TBC1D31: variants seen among roughly 807,000 people sequenced by gnomAD.
TBC1D31 encodes TBC1 domain family member 31, also known as WD repeat domain 67.
Under a neutral mutation model 132.9 loss-of-function variants are expected in TBC1D31, and 99 were observed. The ratio of observed to expected loss-of-function variants is 0.74; its 90% CI spans 0.63 to 0.88. The LOEUF (loss-of-function observed/expected upper bound fraction) is 0.88, where lower values mean the gene tolerates loss of function less well. Among genes scored for constraint, TBC1D31 ranks in the 40% least tolerant of loss-of-function variants. The probability of loss-of-function intolerance (pLI) is 0.00; values close to 1 mark genes in which losing one functional copy is unlikely to be tolerated. For missense variants in TBC1D31, 1,134 were observed against 1,256.6 expected (o/e 0.90, Z 1.48); for synonymous variants, 385 against 419.4 (o/e 0.92, Z 1.00).
intron 17 of TBC1D31, among the ~76,000 whole-genome samples, chr8:123,139,562 A>G (rs1435604122): frequency 1.3e-5 from 2 of 152,138 alleles, no homozygotes; most frequent in East Asian, 3.9e-4. Context: ...GCACGCCTTT[A>G]TCACTCAGCT....
chr8:123,162,564 T>C, the TBC1D31 span, among the ~76,000 whole-genome samples: 1 of 152,000 alleles, frequency 6.6e-6, no homozygotes, highest in Non-Finnish European at 1.5e-5. Context: ...GGTCTGGCTG[T>C]CAAGAGAAGC....
At chr8:123,079,452 G>A (rs1814906790) in intron 2 of TBC1D31, among the ~76,000 whole-genome samples, 1 of 151,984 alleles carries the variant, frequency 6.6e-6, no homozygotes, top group African/African-American at 2.4e-5. Context: ...CATTGTTTCT[G>A]CCCTTTACCA....
intron 4 of TBC1D31, among the ~76,000 whole-genome samples, chr8:123,086,705 C>T (rs1285555259): frequency 6.6e-6 from 1 of 151,684 alleles, no homozygotes; most frequent in African/African-American, 2.4e-5. Context: ...CCCCTTCCTT[C>T]TTCCTCCCTG....
At chr8:123,100,188 C>T (rs989705165) in intron 6 of TBC1D31, among the ~76,000 whole-genome samples, 2 of 152,112 alleles carry the variant, frequency 1.3e-5, no homozygotes, top group African/African-American at 2.4e-5. Flanking sequence ...TCTTAGGGCA[C>T]CTTTCCATAG....
intron 16 of TBC1D31, among the ~76,000 whole-genome samples, chr8:123,133,530 C>A (rs183724442): frequency 6.6e-6 from 1 of 152,184 alleles, no homozygotes; most frequent in South Asian, 2.1e-4. Context: ...CACTTTATAT[C>A]TAAGATCATT....
chr8:123,119,851 G>A (rs1260196000), intron 10 of TBC1D31, among the ~76,000 whole-genome samples: 1 of 152,096 alleles, frequency 6.6e-6, no homozygotes, highest in Non-Finnish European at 1.5e-5. Flanking sequence ...GCAAAGTACA[G>A]AACAATTTTT....
Position 123,126,699 on chromosome 8 carries a change from T to G in TBC1D31, c.1884+12T>G. 6.3e-7 allele frequency: 1 copy of G among 1,583,218 alleles called. No homozygotes were observed. Among genetic ancestry groups the G allele is most frequent in the East Asian group, 2.2e-5 (1 of 44,468 alleles). ...AAGATGACTTTGAGGTAACGGTCCT[T>G]GTTCTTAAGAGAAGGTTCTCAAATA... On this transcript the variant is annotated intron_variant, in intron 13 of 21. Coordinates refer to ENST00000287380, the MANE Select transcript of TBC1D31 (RefSeq NM_145647.4).
chr8:123,161,734 G>A, the TBC1D31 span, among the ~76,000 whole-genome samples: 1 of 151,920 alleles, frequency 6.6e-6, no homozygotes, highest in African/African-American at 2.4e-5. Flanking sequence ...TATACCCAAT[G>A]GGCCCGGTGC....
intron 4 of TBC1D31, among the ~76,000 whole-genome samples, chr8:123,092,276 A>G (rs1355139933): frequency 6.6e-6 from 1 of 152,102 alleles, no homozygotes; most frequent in African/African-American, 2.4e-5. Flanking sequence ...CAGCCTCCCA[A>G]AGTGCTGAGA....
intron 10 of TBC1D31, among the ~76,000 whole-genome samples, chr8:123,117,525 C>T (rs962743679): frequency 2.6e-5 from 4 of 151,642 alleles, no homozygotes; most frequent in Non-Finnish European, 5.9e-5. Context: ...GAGGCCGAGA[C>T]GGGCGGATGA....
Position 123,093,651 on chromosome 8 carries a change from G to A in TBC1D31, c.580G>A (p.Ala194Thr). The change falls in exon 5 of 22, where the codon GCC (alanine) becomes ACC (threonine). Residue 194 changes from alanine (A) to threonine (T), a missense_variant. Coordinates refer to ENST00000287380, the MANE Select transcript of TBC1D31 (RefSeq NM_145647.4). ...LSCFKDNSIF[A>T]WECDTLFCKY... ...CTGTTTTAAAGATAATTCCATTTTT[G>A]CCTGGGAATGTGACACACTTTTTTG... The A allele has an allele frequency of 6.2e-7, 1 of 1,610,782 alleles. No individual in the cohort carries two copies. The highest frequency in any genetic ancestry group is 1.3e-5 in the African/African-American group (1 of 74,860).
At chr8:123,109,139 G>A (rs1409058485) in intron 8 of TBC1D31, among the ~76,000 whole-genome samples, 178 bp from the exon 9 acceptor site, 1 of 152,166 alleles carries the variant, frequency 6.6e-6, no homozygotes. Flanking sequence ...TATTGGCTAT[G>A]TATATGCATG....
chr8:123,157,719 G>A, the TBC1D31 span, among the ~76,000 whole-genome samples: 643 of 147,990 alleles, frequency 4.3e-3, 4 homozygotes, highest in African/African-American at 0.014. Flanking sequence ...GCGCGCGCGC[G>A]CACACACACA....
At position 123,142,445 on chromosome 8, in the gene TBC1D31, G is replaced by T; in HGVS notation, c.2824G>T (p.Glu942Ter). The T allele has an allele frequency of 6.4e-7, 1 of 1,559,332 alleles. No individual in the cohort carries two copies. The part of the protein sequence containing the change: ...IEIINAMVEE[E>*]AKKWKEAEGK... Reference sequence around the variant, plus strand: ...GATAATAAATGCAATGGTGGAGGAGGAAGCCAAGAAGGTAAAAAATAGTGT... The same window carrying T: ...GATAATAAATGCAATGGTGGAGGAGTAAGCCAAGAAGGTAAAAAATAGTGT... The change falls in exon 19 of 22, where the codon GAA becomes TAA. Residue 942 changes from glutamate (E) to a stop codon, truncating the protein, a stop_gained. Coordinates refer to ENST00000287380, the MANE Select transcript of TBC1D31 (RefSeq NM_145647.4). LOFTEE classifies it high-confidence loss of function.
At chr8:123,125,204 A>C (rs949390731) in intron 11 of TBC1D31, among the ~76,000 whole-genome samples, 20 of 152,210 alleles carry the variant, frequency 1.3e-4, no homozygotes, top group African/African-American at 4.6e-4. Context: ...AAATTAAAAA[A>C]ATTTTAAAAT....
chr8:123,152,081 A>C lies in TBC1D31; in HGVS notation c.*142A>C. 1.2e-6 allele frequency: 1 copy of C among 807,518 alleles called. No homozygotes were observed. Among genetic ancestry groups the C allele is most frequent in the Non-Finnish European group, 1.7e-6 (1 of 592,504 alleles). 50.0% of individuals were successfully genotyped at this position (807,518 alleles called of 1,614,324 possible). A position where few individuals can be genotyped will look rare whatever the true frequency, so the allele number is the denominator to read the frequency against. ...TGTCTATAAAAATTATGTGTTATTTAATTCTGATACTTTTTGGCTTGTAAA... is the reference window on the plus strand; with the variant it reads ...TGTCTATAAAAATTATGTGTTATTTCATTCTGATACTTTTTGGCTTGTAAA... On this transcript the variant is annotated 3_prime_UTR_variant, in exon 22 of 22. Coordinates refer to ENST00000287380, the MANE Select transcript of TBC1D31 (RefSeq NM_145647.4).
the TBC1D31 span, among the ~76,000 whole-genome samples, chr8:123,157,879 A>G: frequency 1.3e-5 from 2 of 152,154 alleles, no homozygotes; most frequent in African/African-American, 4.8e-5. Context: ...TCCGGGACGC[A>G]GTCCTGCAGT....
At chr8:123,089,324 A>G (rs1290514384) in intron 4 of TBC1D31, among the ~76,000 whole-genome samples, 1 of 152,232 alleles carries the variant, frequency 6.6e-6, no homozygotes, top group African/African-American at 2.4e-5. Flanking sequence ...ATGCAAAGTT[A>G]GCACAGTGCT....
At chr8:123,104,627 G>C (rs1817746104) in intron 7 of TBC1D31, among the ~76,000 whole-genome samples, 1 of 152,132 alleles carries the variant, frequency 6.6e-6, no homozygotes, top group South Asian at 2.1e-4. Context: ...ATTGTTTATG[G>C]AGAAAATGTT....
Sources: allele counts gnomAD v4.1 joint callset (sites outside exome capture counted in the v4.1 genomes callset), GRCh38; gene constraint gnomAD v4.1.1; transcripts MANE v1.5; gene names NCBI Gene and HGNC (gene_info 2026-07-23, HGNC 2026-07-21).